Variants in MRPL4 observed in about 807,000 individuals in gnomAD.
MRPL4 encodes mitochondrial ribosomal protein L4.
MRPL4 carries 34 observed loss-of-function variants against 34.1 expected under a neutral mutation model. The ratio of observed to expected loss-of-function variants is 1.00; its 90% CI spans 0.76 to 1.33. The LOEUF (loss-of-function observed/expected upper bound fraction) is 1.33, where lower values mean the gene tolerates loss of function less well. Among genes scored for constraint, MRPL4 ranks in the 40% most tolerant of loss-of-function variants. The pLI is 0.00. For synonymous variants in MRPL4, 196 were observed against 188.3 expected (o/e 1.04, Z -0.33); for missense variants, 402 against 434.6 (o/e 0.92, Z 0.67).
intron 4 of MRPL4, 48 bp downstream of exon 4, chr19:10,254,688 G>T (rs764941614): frequency 6.2e-7 from 1 of 1,608,736 alleles, no homozygotes; most frequent in Admixed American, 1.7e-5. Flanking sequence ...TTCCTGGGGA[G>T]GTTGGGGATA....
At chr19:10,254,358 G>A (rs1194931477) in intron 3 of MRPL4, among the ~76,000 whole-genome samples, 1 of 152,166 alleles carries the variant, frequency 6.6e-6, no homozygotes, top group South Asian at 2.1e-4. Flanking sequence ...AGCAGTTATT[G>A]GAGCTGCTAC....
upstream of MRPL4, chr19:10,252,057 T>C: frequency 1.0e-5 from 6 of 593,742 alleles, no homozygotes; most frequent in Non-Finnish European, 1.4e-5. Context: ...GGAGTGAAAA[T>C]TGGGTCTGGG....
At position 10,252,451 on chromosome 19, in the gene MRPL4, G is replaced by C. The variant is rs768497124; in HGVS notation, c.112G>C (p.Val38Leu). ...AARATENPEQ[V>L]ASEGLPEPVL... ...GCGTGCGACCGAGAACCCGGAGCAG[G>C]TGGCGAGCGAGGGTAAGGCAACCGG... The change falls in exon 2 of 9, where the codon GTG (valine) becomes CTG (leucine). Residue 38 changes from valine (V) to leucine (L), a missense_variant. Physicochemically the swap from Val to Leu is conservative, Grantham distance 32 (BLOSUM62 1). Transcript: ENST00000253099. 4.3e-6 allele frequency: 7 copies of C among 1,614,086 alleles called. No individual in the cohort carries two copies. Among genetic ancestry groups the C allele is most frequent in the South Asian group, 2.2e-5 (2 of 91,072 alleles).
At position 10,259,757 on chromosome 19, in the gene MRPL4, C is replaced by G. The variant is rs528817442; in HGVS notation, c.880C>G (p.Pro294Ala). 3.7e-6 allele frequency: 6 copies of G among 1,614,078 alleles called. No individual in the cohort carries two copies. In the African/African-American group the frequency reaches 8.0e-5, roughly 22 times the overall value. ...YPFSLPYSDF[P>A]RPLPHATQGP... is the part of the protein sequence containing the mutation. ...CTTCAGCCTGCCCTACAGCGACTTC[C>G]CCCGACCCCTACCCCACGCTACCCA... The change falls in exon 9 of 9, where the codon CCC (proline) becomes GCC (alanine). Residue 294 changes from proline to alanine, a missense_variant. By Grantham distance (27) the Pro-to-Ala change is conservative. Transcript: ENST00000253099.
chr19:10,256,667 C>T, intron 4 of MRPL4, 41 bp from the exon 5 acceptor site: 12 of 1,575,368 alleles, frequency 7.6e-6, no homozygotes, highest in Non-Finnish European at 1.0e-5. Context: ...TCCCTGACAC[C>T]TGCCTCGTGG....
Position 10,252,610 on chromosome 19 carries a change from G to T in MRPL4, c.184G>T (p.Val62Leu), listed in dbSNP as rs371590299. The change falls in exon 3 of 9, where the codon GTG (valine) becomes TTG (leucine). Residue 62 changes from valine to leucine, a missense_variant. Physicochemically the swap from Val to Leu is conservative, Grantham distance 32. Coordinates refer to ENST00000253099, the MANE Select transcript of MRPL4 (RefSeq NM_015956.3). ...ELPVPTHRRP[V>L]QAWVESLRGF... ...CCCGGTACCCACTCATCGACGCCCA[G>T]TGCAGGCCTGGGTCGAGTCCTTGCG... 6.2e-7 allele frequency: 1 copy of T among 1,612,592 alleles called. No individual in the cohort carries two copies. Among genetic ancestry groups the T allele is most frequent in the Admixed American group, 1.7e-5 (1 of 60,012 alleles).
In MRPL4 at chr19:10,258,541, G is replaced by A. The variant is rs1328864257; in HGVS notation, c.662+19G>A. On this transcript the variant is annotated intron_variant, in intron 7 of 8. Coordinates refer to ENST00000253099, the MANE Select transcript of MRPL4 (RefSeq NM_015956.3). ...TGGACTTGTGAGGGCACAGGGCAGA[G>A]CAGGGGCAGGGGGCCCTGAGCTCCG... 6.2e-7 allele frequency: 1 copy of A among 1,614,146 alleles called. No individual in the cohort carries two copies. Among genetic ancestry groups the A allele is most frequent in the East Asian group, 2.2e-5 (1 of 44,874 alleles).
intron 5 of MRPL4, among the ~76,000 whole-genome samples, 171 bp from the exon 6 acceptor site, chr19:10,258,051 G>A (rs1289639551): frequency 6.6e-6 from 1 of 152,066 alleles, no homozygotes; most frequent in African/African-American, 2.4e-5. Flanking sequence ...GTGAAGCAAA[G>A]TCACTGGTCC....
intron 4 of MRPL4, chr19:10,255,822 C>G (rs2039846045): frequency 6.6e-6 from 1 of 152,416 alleles, no homozygotes; most frequent in Admixed American, 6.6e-5. Context: ...CCATGGCCCT[C>G]CCTCCTTGTG....
chr19:10,251,993 G>A, upstream of MRPL4: 1 of 525,708 alleles, frequency 1.9e-6, no homozygotes, highest in Non-Finnish European at 3.3e-6. Context: ...ACGGAAGCTG[G>A]GTCTTCTTGC....
rs566127838 is a variant in MRPL4 at position 10,256,876 on chromosome 19, G to A, written c.445+51G>A. 5.7e-6 allele frequency: 7 copies of A among 1,230,338 alleles called. No homozygotes were observed. The South Asian group carries it at 1.1e-4, about 20-fold the overall frequency. The allele number at this position is 1,230,338 out of a possible 1,614,324, so 76.2% of individuals were successfully genotyped here. On this transcript the variant is annotated intron_variant, in intron 5 of 8. Transcript: ENST00000253099. Reference sequence around the variant, plus strand: ...GGGAGGGGTGGGGGGGCCAGGGAAGGGCCTGGGTGTTTACTCACACACAGC... The same window carrying A: ...GGGAGGGGTGGGGGGGCCAGGGAAGAGCCTGGGTGTTTACTCACACACAGC...
intron 5 of MRPL4, 29 bp downstream of exon 5, chr19:10,256,854 A>T: frequency 6.0e-4 from 23 of 38,518 alleles, no homozygotes; most frequent in Non-Finnish European, 8.1e-4. Flanking sequence ...GGGGGCGGGG[A>T]GGGGTGGGGG....
At position 10,258,507 on chromosome 19, in the gene MRPL4, T is replaced by G; in HGVS notation, c.647T>G (p.Val216Gly). The G allele has an allele frequency of 6.2e-7, 1 of 1,613,890 alleles. No homozygotes were observed. The highest frequency in any genetic ancestry group is 8.5e-7 in the Non-Finnish European group (1 of 1,179,966). The stretch of plus-strand genomic sequence containing the variant: ...CACTACCGCCGCTGGGGGGACTCCG[T>G]ACTCCTCGTGGACTTGTGAGGGCAC... ...LAHYRRWGDS[V>G]LLVDLTHEEM... The change falls in exon 7 of 9, where the codon GTA becomes GGA. Residue 216 changes from valine to glycine, a missense_variant. Physicochemically the swap from Val to Gly is moderately radical, Grantham distance 109. Coordinates refer to ENST00000253099, the MANE Select transcript of MRPL4 (RefSeq NM_015956.3).
chr19:10,256,848 GCGGGGA>G, intron 5 of MRPL4, 23 bp downstream of exon 5: 3 of 1,241,320 alleles, frequency 2.4e-6, no homozygotes, highest in South Asian at 3.2e-5. Context: ...GGTGGAGGGG[GCGGGGA>G]GGGGTGGGGG....
At chr19:10,259,481 C>T (rs1263004509) in intron 8 of MRPL4, 136 bp from the exon 9 acceptor site, 1 of 1,456,946 alleles carries the variant, frequency 6.9e-7, no homozygotes. Context: ...TGGCCCCGGG[C>T]TGCTGGGCTC....
rs1318567686 is a variant in MRPL4 at position 10,258,233 on chromosome 19, C to T, written c.457C>T (p.His153Tyr). ...SPLWRGGGVA[H>Y]GPRGPTSYYY... ...CTCTGTCCCCGCAGGAGGTGTTGCC[C>T]ATGGCCCCCGGGGCCCCACAAGTTA... Residue 153 changes from histidine to tyrosine, a missense_variant, in exon 6 of 9, where the codon CAT becomes TAT. Coordinates refer to ENST00000253099, the MANE Select transcript of MRPL4 (RefSeq NM_015956.3). The T allele has an allele frequency of 9.3e-6, 15 of 1,613,650 alleles. No homozygotes were observed. Among genetic ancestry groups the T allele is most frequent in the Non-Finnish European group, 1.3e-5 (15 of 1,179,776 alleles).
chr19:10,259,279 C>G, intron 8 of MRPL4: 2 of 1,363,314 alleles, frequency 1.5e-6, no homozygotes. Flanking sequence ...CAGGGTGGCA[C>G]GTCAGGCCCT....
chr19:10,259,755 TC>T lies in MRPL4; in HGVS notation c.883del (p.Arg295AspfsTer24), dbSNP rs2039893917. On this transcript the variant is annotated frameshift_variant, in exon 9 of 9. Coordinates refer to ENST00000253099, the MANE Select transcript of MRPL4 (RefSeq NM_015956.3). LOFTEE classifies it low-confidence loss of function (END_TRUNC). The stretch of plus-strand genomic sequence containing the variant: ...CCCTTCAGCCTGCCCTACAGCGACT[TC>T]CCCCGACCCCTACCCCACGCTACCC... ...LYPFSLPYSD[F>X]PRPLPHATQG... 6.2e-7 allele frequency: 1 copy of T among 1,613,578 alleles called. No individual in the cohort carries two copies. The highest frequency in any genetic ancestry group is 1.3e-5 in the African/African-American group (1 of 74,812).
At position 10,252,255 on chromosome 19, in the gene MRPL4, TGCTGCAGTTCGTCCGG is replaced by T. The variant is rs2039798365; in HGVS notation, c.5_20del (p.Leu2_?7). 3 of 1,605,090 alleles carry T rather than the reference TGCTGCAGTTCGTCCGG, an allele frequency of 1.9e-6. No homozygotes were observed. The highest frequency in any genetic ancestry group is 2.5e-6 in the Non-Finnish European group (3 of 1,176,760). On this transcript the variant is annotated frameshift_variant and start_lost, in exon 1 of 9. Transcript: ENST00000253099. LOFTEE classifies it high-confidence loss of function. The stretch of plus-strand genomic sequence containing the variant: ...CGCGGCGTGGGAGGCTGCGCGGCGA[TGCTGCAGTTCGTCCGG>T]GCCGGGGCGCGGGCCTGGCTTCGGC...
Sources: allele counts gnomAD v4.1 joint callset (sites outside exome capture counted in the v4.1 genomes callset), GRCh38; gene constraint gnomAD v4.1.1; transcripts MANE v1.5; gene names NCBI Gene and HGNC (gene_info 2026-07-23, HGNC 2026-07-21).